FUT8: variants seen among roughly 807,000 people sequenced by gnomAD.
FUT8 encodes fucosyltransferase 8.
A neutral mutation model predicts 71.3 loss-of-function variants in FUT8; 29 were observed. The ratio of observed to expected loss-of-function variants is 0.41; its 90% confidence interval spans 0.30 to 0.55. The LOEUF (loss-of-function observed/expected upper bound fraction) is 0.55, where lower values mean the gene tolerates loss of function less well. FUT8 is among the 20% of genes least tolerant of loss of function. The probability of loss-of-function intolerance (pLI) is 0.34; values close to 1 mark genes in which losing one functional copy is unlikely to be tolerated. For missense variants in FUT8, 544 were observed against 702.1 expected, an observed-to-expected ratio of 0.77 and a Z score of 2.55; for synonymous variants, 254 against 239.3, an observed-to-expected ratio of 1.06 and a Z score of -0.57.
intron 7 of FUT8, among the ~76,000 whole-genome samples, chr14:65,692,199 C>A (rs972526113): frequency 1.3e-5 from 2 of 151,632 alleles, no homozygotes; most frequent in African/African-American, 2.4e-5. Context: ...TTCCCCTCAC[C>A]TCCCGGACGG....
chr14:65,677,152 G>GTGTGTGTGCGCGCGCGCGCGCGCA (rs1555383261), intron 7 of FUT8, among the ~76,000 whole-genome samples: 3 of 59,480 alleles, frequency 5.0e-5, no homozygotes, highest in Admixed American at 1.5e-4. Context: ...GTGTGTGTGT[G>GTGTGTGTGCGCGCGCGCGCGCGCA]CGCGCGCGCA....
chr14:65,600,771 A>C (rs73286155), intron 3 of FUT8, among the ~76,000 whole-genome samples: 1,644 of 152,296 alleles, frequency 0.011, 31 homozygotes, highest in African/African-American at 0.038. Flanking sequence ...ATGAGCAAAT[A>C]AGTAAGCAAT....
At chr14:65,633,974 A>G (rs80253746) in intron 6 of FUT8, among the ~76,000 whole-genome samples, 94,191 of 148,578 alleles carry the variant, frequency 0.63, 29,737 homozygotes, top group East Asian at 0.75. Flanking sequence ...TAGCCGCCCC[A>G]TCCGGGAGGT....
chr14:65,695,016 AC>A (rs2140457557), intron 7 of FUT8, among the ~76,000 whole-genome samples: 1 of 152,314 alleles, frequency 6.6e-6, no homozygotes, highest in Admixed American at 6.5e-5. Context: ...CACATTGTGC[AC>A]ATGTACCCTA....
chr14:65,729,263 C>T (rs1895840725), intron 9 of FUT8, among the ~76,000 whole-genome samples: 1 of 152,028 alleles, frequency 6.6e-6, no homozygotes, highest in African/African-American at 2.4e-5. Flanking sequence ...AGCAGTCCTC[C>T]TGCCTTGTCC....
chr14:65,446,550 C>T (rs932036077), intron 1 of FUT8, among the ~76,000 whole-genome samples: 1 of 152,066 alleles, frequency 6.6e-6, no homozygotes, highest in Non-Finnish European at 1.5e-5. Context: ...TTTTCTTCAT[C>T]ACTGTTTGGT....
intron 5 of FUT8, among the ~76,000 whole-genome samples, chr14:65,625,198 A>G (rs2140250403): frequency 6.6e-6 from 1 of 152,326 alleles, no homozygotes; most frequent in East Asian, 1.9e-4. Context: ...TATGAAATAT[A>G]AAGAATAATG....
At chr14:65,448,324 A>G (rs536306464) in intron 1 of FUT8, among the ~76,000 whole-genome samples, 2 of 152,290 alleles carry the variant, frequency 1.3e-5, no homozygotes, top group African/African-American at 2.4e-5. Context: ...GGGGCGGAAT[A>G]AAGGAGGCAA....
At chr14:65,475,542 C>G (rs996390211) in intron 2 of FUT8, among the ~76,000 whole-genome samples, 1 of 152,030 alleles carries the variant, frequency 6.6e-6, no homozygotes, top group South Asian at 2.1e-4. Flanking sequence ...ATTTTGAGAC[C>G]AGCCTGGGCA....
rs1163784696 is a variant in FUT8 at position 65,467,919 on chromosome 14, G to A, written c.-228+12201G>A. The A allele has an allele frequency of 6.7e-6, 5 of 749,616 alleles. No individual in the cohort carries two copies. Among genetic ancestry groups the A allele is most frequent in the Non-Finnish European group, 1.2e-5 (5 of 400,706 alleles). The allele number at this position is 749,616 out of a possible 1,614,324, so 46.4% of individuals were successfully genotyped here. The stretch of plus-strand genomic sequence containing the variant: ...AGGCTGGTGCTTCAGTAGAACCCGG[G>A]TACCTTTCTCTTTGGCTTCTTTCTT... On this transcript the variant is annotated intron_variant, in intron 2 of 10. Coordinates refer to ENST00000673929, the MANE Select transcript of FUT8 (RefSeq NM_001371533.1). The surrounding 1 kb of genome is among the most constrained non-coding windows in gnomAD (Gnocchi z 4.1).
chr14:65,666,826 G>A (rs1421542296), intron 6 of FUT8, among the ~76,000 whole-genome samples: 1 of 151,988 alleles, frequency 6.6e-6, no homozygotes, highest in Non-Finnish European at 1.5e-5. Flanking sequence ...TTAATTCACC[G>A]CGATCAAATA....
chr14:65,680,224 A>C (rs550694139), intron 7 of FUT8, among the ~76,000 whole-genome samples: 17 of 152,356 alleles, frequency 1.1e-4, no homozygotes, highest in Non-Finnish European at 1.9e-4. Context: ...TGGTGTAATG[A>C]TTCCAGTTCA....
At chr14:65,411,757 A>C, upstream of FUT8, 1 of 322,934 alleles carries the variant, frequency 3.1e-6, no homozygotes, top group South Asian at 2.4e-5. Context: ...GGCTACAGGG[A>C]AGAGTTTGGA....
upstream of FUT8, chr14:65,412,277 G>A (rs761470561): frequency 2.5e-6 from 1 of 403,098 alleles, no homozygotes; most frequent in African/African-American, 2.3e-5. Context: ...CAGGGGCTGA[G>A]CAGCAGCAGC....
intron 6 of FUT8, among the ~76,000 whole-genome samples, chr14:65,632,320 G>C (rs1890230293): frequency 6.6e-6 from 1 of 152,176 alleles, no homozygotes. Flanking sequence ...CCTAGTGGCT[G>C]TGCTAGTTAC....
chr14:65,559,810 A>G (rs1320282228), intron 2 of FUT8, among the ~76,000 whole-genome samples: 1 of 152,090 alleles, frequency 6.6e-6, no homozygotes, highest in Non-Finnish European at 1.5e-5. Flanking sequence ...GGGATTGAGA[A>G]AGAGTTTTAA....
At chr14:65,678,840 G>A (rs1280592341) in intron 7 of FUT8, among the ~76,000 whole-genome samples, 1 of 152,106 alleles carries the variant, frequency 6.6e-6, no homozygotes, top group Non-Finnish European at 1.5e-5. Context: ...AACAGTGAGG[G>A]CCTTTGACTG....
intron 2 of FUT8, among the ~76,000 whole-genome samples, chr14:65,536,138 G>A (rs189306165): frequency 7.4e-4 from 113 of 151,772 alleles, no homozygotes; most frequent in African/African-American, 1.8e-3. Context: ...TTTAGCCTAC[G>A]GGTGTCATTG....
At chr14:65,486,030 A>G (rs984248708) in intron 2 of FUT8, among the ~76,000 whole-genome samples, 1 of 152,226 alleles carries the variant, frequency 6.6e-6, no homozygotes, top group African/African-American at 2.4e-5. Context: ...CCTGACCTCC[A>G]TATATAGCAT....
Sources: gnomAD v4.1 joint callset for allele counts (sites outside exome capture counted in the v4.1 genomes callset) on GRCh38, gnomAD v4.1.1 for gene constraint, Gnocchi (gnomAD v3.1) non-coding constraint, MANE v1.5 for transcripts, NCBI Gene and HGNC (gene_info 2026-07-23, HGNC 2026-07-21) for gene names.